The following KIFC3 variants were observed in gnomAD, a reference collection of about 807,000 sequenced individuals.
KIFC3 encodes the protein kinesin-like protein KIFC3.
Under a neutral mutation model 101.8 loss-of-function variants are expected in KIFC3, and 60 were observed. That is an observed-to-expected ratio of 0.59 (90% CI 0.48 to 0.73). KIFC3 has a LOEUF of 0.73. Among genes scored for constraint, KIFC3 ranks in the 30% least tolerant of loss-of-function variants. The pLI is 0.00. For synonymous variants in KIFC3, 476 were observed against 482.7 expected, an observed-to-expected ratio of 0.99 and a Z score of 0.18; for missense variants, 966 against 1,137.1, an observed-to-expected ratio of 0.85 and a Z score of 2.16.
chr16:57,787,437 G>A (rs1327028180), intron 3 of KIFC3, among the ~76,000 whole-genome samples: 2 of 152,250 alleles, frequency 1.3e-5, no homozygotes, highest in Non-Finnish European at 2.9e-5. Flanking sequence ...CCCTGCAGGG[G>A]CTCGCCGGGT....
At chr16:57,797,651 C>T (rs1246584565) in intron 2 of KIFC3, 1 of 1,091,952 alleles carries the variant, frequency 9.2e-7, no homozygotes, top group African/African-American at 1.7e-5. Flanking sequence ...GGGGCCAGCC[C>T]AGGCAGGATC....
chr16:57,843,010 G>A (rs2055843762), intron 1 of KIFC3, among the ~76,000 whole-genome samples: 1 of 152,062 alleles, frequency 6.6e-6, no homozygotes, highest in African/African-American at 2.4e-5. Context: ...GTGCAAGCCT[G>A]TAATCCCAGC....
rs2049727220 is a variant in KIFC3 at position 57,760,613 on chromosome 16, G to A, written c.2232+113C>T. On this transcript the variant is annotated intron_variant, in intron 16 of 19. Transcript: ENST00000445690. The stretch of plus-strand genomic sequence containing the variant: ...ACTGGGAGTTACACAGGGTGTGTGT[G>A]GCCAGGTCTAGGGGCGGGGAGGTCC... 3.6e-6 allele frequency: 4 copies of A among 1,102,330 alleles called. No homozygotes were observed. The East Asian group carries it at 7.3e-5, about 20-fold the overall frequency. The allele number at this position is 1,102,330 out of a possible 1,614,324, so 68.3% of individuals were successfully genotyped here. A position where few individuals can be genotyped will look rare whatever the true frequency, so the allele number is the denominator to read the frequency against.
intron 1 of KIFC3, among the ~76,000 whole-genome samples, chr16:57,824,326 C>A (rs188629743): frequency 1.8e-4 from 28 of 152,304 alleles, no homozygotes; most frequent in African/African-American, 4.6e-4. Flanking sequence ...ACATCTCAGC[C>A]CACCCAGCAA....
chr16:57,823,873 C>A (rs376572491), intron 1 of KIFC3, among the ~76,000 whole-genome samples: 6 of 151,990 alleles, frequency 3.9e-5, no homozygotes, highest in Admixed American at 2.0e-4. Flanking sequence ...ATGATCTGCC[C>A]GCCTGGGCCT....
Position 57,760,720 on chromosome 16 carries a change from C to A in KIFC3, c.2232+6G>T. Reference sequence around the variant, plus strand: ...GGACTGGCCCGCCCTAACCCAAGGTCCTCACCTGTACCACCATGAGGGTCT... The same window carrying A: ...GGACTGGCCCGCCCTAACCCAAGGTACTCACCTGTACCACCATGAGGGTCT... On this transcript the variant is annotated splice_donor_region_variant and intron_variant, in intron 16 of 19. Transcript: ENST00000445690. The A allele has an allele frequency of 3.1e-6, 5 of 1,612,568 alleles. No individual in the cohort carries two copies. Among genetic ancestry groups the A allele is most frequent in the Non-Finnish European group, 4.2e-6 (5 of 1,179,030 alleles).
At chr16:57,840,796 A>C (rs1479017371) in intron 1 of KIFC3, among the ~76,000 whole-genome samples, 4 of 151,348 alleles carry the variant, frequency 2.6e-5, no homozygotes, top group Non-Finnish European at 5.9e-5. Context: ...TAAACCTAGC[A>C]CAGGTTCTCT....
chr16:57,798,277 G>A lies in KIFC3; in HGVS notation c.-34C>T, dbSNP rs782671547. The A allele has an allele frequency of 1.9e-6, 3 of 1,548,596 alleles. No homozygotes were observed. The highest frequency in any genetic ancestry group is 2.6e-6 in the Non-Finnish European group (3 of 1,147,530). On this transcript the variant is annotated 5_prime_UTR_variant, in exon 2 of 20. Transcript: ENST00000445690. Reference sequence around the variant, plus strand: ...GCTCAGCAGCCTCCTCGGGGCACCAGGCAGCCTGCGGAGAGAACAAGGGGA... The same window carrying A: ...GCTCAGCAGCCTCCTCGGGGCACCAAGCAGCCTGCGGAGAGAACAAGGGGA...
At chr16:57,815,669 T>C in intron 1 of KIFC3, 1 of 1,286,000 alleles carries the variant, frequency 7.8e-7, no homozygotes, top group Non-Finnish European at 1.0e-6. Context: ...GTATTCCTGC[T>C]AAACACTCCA....
chr16:57,845,368 T>C (rs1218065451), intron 1 of KIFC3, among the ~76,000 whole-genome samples: 1 of 152,164 alleles, frequency 6.6e-6, no homozygotes, highest in Non-Finnish European at 1.5e-5. Flanking sequence ...GCCTGACTGA[T>C]CTTGTTAAAA....
intron 1 of KIFC3, among the ~76,000 whole-genome samples, chr16:57,843,454 G>T (rs1224993844): frequency 6.6e-6 from 1 of 152,176 alleles, no homozygotes; most frequent in Non-Finnish European, 1.5e-5. Flanking sequence ...CCAGTGACTT[G>T]CTCAAGGCCC....
At chr16:57,803,211 T>G, upstream of KIFC3, 1 of 720,126 alleles carries the variant, frequency 1.4e-6, no homozygotes, top group East Asian at 2.7e-5. Flanking sequence ...CCGGCCTTGC[T>G]GCAGAAGGCC....
At chr16:57,806,221 T>C (rs1417482490), upstream of KIFC3, among the ~76,000 whole-genome samples, 1 of 152,188 alleles carries the variant, frequency 6.6e-6, no homozygotes, top group Non-Finnish European at 1.5e-5. Context: ...TACATGATTT[T>C]CCCATTTTAA....
At chr16:57,842,792 G>A (rs2055839772) in intron 1 of KIFC3, among the ~76,000 whole-genome samples, 1 of 152,088 alleles carries the variant, frequency 6.6e-6, no homozygotes, top group Non-Finnish European at 1.5e-5. Flanking sequence ...GAGAGTTCAG[G>A]TCCCAACACT....
At chr16:57,862,127 T>C (rs548393846) in intron 1 of KIFC3, among the ~76,000 whole-genome samples, 93 of 151,742 alleles carry the variant, frequency 6.1e-4, no homozygotes, top group Admixed American at 1.4e-3. Flanking sequence ...GACGTCCTTA[T>C]TATTATTATT....
chr16:57,770,395 C>A, intron 7 of KIFC3, 132 bp downstream of exon 7: 2 of 799,344 alleles, frequency 2.5e-6, no homozygotes, highest in Non-Finnish European at 3.6e-6. Flanking sequence ...TGCCCTGGGT[C>A]CCGTGGCCAT....
At chr16:57,812,038 G>A (rs1190298856) in intron 1 of KIFC3, among the ~76,000 whole-genome samples, 48 of 148,310 alleles carry the variant, frequency 3.2e-4, no homozygotes, top group African/African-American at 1.2e-3. Context: ...GCGAGACCCC[G>A]TCTCTCTCTT....
intron 1 of KIFC3, among the ~76,000 whole-genome samples, chr16:57,836,130 G>T (rs1338316483): frequency 6.6e-6 from 1 of 152,162 alleles, no homozygotes; most frequent in African/African-American, 2.4e-5. Context: ...TGTTTTGCTT[G>T]TTTTGAGTCA....
At chr16:57,851,652 C>T (rs111991454) in intron 1 of KIFC3, among the ~76,000 whole-genome samples, 3 of 151,620 alleles carry the variant, frequency 2.0e-5, no homozygotes, top group East Asian at 1.9e-4. Context: ...CTGCAACCTC[C>T]GCCTTCCAGG....
Sources: gnomAD v4.1 joint callset for allele counts (sites outside exome capture counted in the v4.1 genomes callset) on GRCh38, gnomAD v4.1.1 for gene constraint, MANE v1.5 for transcripts, NCBI Gene and HGNC (gene_info 2026-07-23, HGNC 2026-07-21) for gene names.